Variants in DCDC1 observed in about 807,000 individuals in gnomAD.
DCDC1 encodes doublecortin domain containing 1.
A neutral mutation model predicts 178.3 loss-of-function variants in DCDC1; 200 were observed. That is an observed-to-expected ratio of 1.12 (90% CI 1.00 to 1.26). DCDC1 has a LOEUF of 1.26. Ranked by LOEUF, DCDC1 falls within the 50% of genes most tolerant of loss-of-function variation. The probability of loss-of-function intolerance (pLI) is 0.00; values close to 1 mark genes in which losing one functional copy is unlikely to be tolerated. For synonymous variants in DCDC1, 690 were observed against 604.8 expected, an observed-to-expected ratio of 1.14 and a Z score of -2.07; for missense variants, 1,983 against 1,749.2, an observed-to-expected ratio of 1.13 and a Z score of -2.38.
At chr11:31,167,293 T>A (rs1041933368) in intron 9 of DCDC1, among the ~76,000 whole-genome samples, 1 of 152,214 alleles carries the variant, frequency 6.6e-6, no homozygotes, top group Non-Finnish European at 1.5e-5. Flanking sequence ...AAATGCTGAC[T>A]TGTTAAAACT....
At chr11:31,212,871 A>G (rs1972753910) in intron 9 of DCDC1, among the ~76,000 whole-genome samples, 1 of 152,210 alleles carries the variant, frequency 6.6e-6, no homozygotes. Context: ...GCTCATTGTA[A>G]TAGAAATTGG....
At chr11:31,135,727 A>C (rs556726666) in intron 10 of DCDC1, among the ~76,000 whole-genome samples, 4 of 152,272 alleles carry the variant, frequency 2.6e-5, no homozygotes, top group African/African-American at 9.6e-5. Flanking sequence ...GAGCTGAAAA[A>C]GCAAATATAT....
At chr11:31,061,963 C>T (rs1156325534) in intron 20 of DCDC1, among the ~76,000 whole-genome samples, 1 of 151,978 alleles carries the variant, frequency 6.6e-6, no homozygotes, top group Admixed American at 6.6e-5. Context: ...ATTGCATTGC[C>T]TCAGGGAAGA....
chr11:31,278,815 A>T (rs1199412225), intron 7 of DCDC1, among the ~76,000 whole-genome samples: 1 of 152,278 alleles, frequency 6.6e-6, no homozygotes, highest in East Asian at 1.9e-4. Context: ...TTAAAAAATA[A>T]ATAACAATAA....
intron 36 of DCDC1, 38 bp downstream of exon 36, chr11:30,892,780 C>T (rs2134055563): frequency 1.9e-6 from 3 of 1,609,850 alleles, no homozygotes; most frequent in Non-Finnish European, 2.5e-6. Context: ...GGGATTCAAA[C>T]TCAGGCCTAT....
rs935055426 is a variant in DCDC1 at position 31,014,205 on chromosome 11, TTCTC to T, written c.2591+50260_2591+50263del. 2.8e-3 allele frequency among the ~76,000 whole-genome samples: 412 copies of T among 149,674 alleles called. 1 individual carries two copies. The highest frequency in any genetic ancestry group is 9.8e-3 in the African/African-American group (389 of 39,554). ...GCTCTTGCTCGCTCTCACTCTCTCTTTCTCTCTCTCTCTTTCTCTTTTTCTCCCC... is the reference window on the plus strand; with the variant it reads ...GCTCTTGCTCGCTCTCACTCTCTCTTTCTCTCTCTTTCTCTTTTTCTCCCC... On this transcript the variant is annotated intron_variant, in intron 20 of 38. Transcript: ENST00000684477.
At chr11:31,153,818 A>ACACACACACACACACACACAC (rs61493499) in intron 9 of DCDC1, among the ~76,000 whole-genome samples, 6 of 143,488 alleles carry the variant, frequency 4.2e-5, no homozygotes, top group African/African-American at 8.5e-5. Flanking sequence ...ACACACACAC[A>ACACACACACACACACACACAC]ATTACCATAA....
chr11:30,987,387 T>C (rs1245283937), intron 20 of DCDC1, among the ~76,000 whole-genome samples: 2 of 152,166 alleles, frequency 1.3e-5, no homozygotes, highest in Non-Finnish European at 2.9e-5. Flanking sequence ...TTCTTAATTA[T>C]CTACAATGCC....
At chr11:31,277,231 C>A (rs1946060384) in intron 7 of DCDC1, among the ~76,000 whole-genome samples, 1 of 151,962 alleles carries the variant, frequency 6.6e-6, no homozygotes, top group South Asian at 2.1e-4. Flanking sequence ...ATATTTTGTA[C>A]CTGGTTTCAT....
At chr11:31,328,595 G>C (rs1490937200) in intron 2 of DCDC1, among the ~76,000 whole-genome samples, 1 of 152,032 alleles carries the variant, frequency 6.6e-6, no homozygotes, top group Non-Finnish European at 1.5e-5. Context: ...TCAGGAGATA[G>C]AGACCATCCT....
intron 11 of DCDC1, among the ~76,000 whole-genome samples, chr11:31,121,128 C>G (rs1960732629): frequency 6.6e-6 from 1 of 152,026 alleles, no homozygotes; most frequent in South Asian, 2.1e-4. Context: ...TGAGTGTAAC[C>G]ACTGATGGTA....
In DCDC1 at chr11:31,243,181, A is replaced by G. The variant is rs192801458; in HGVS notation, c.1055-1565T>C. On this transcript the variant is annotated intron_variant, in intron 8 of 38. Transcript: ENST00000684477. ...TAAAAATTAAAAGATAAACGAGCTTATATTCAGAATTATAACTCTTCAACC... is the reference window on the plus strand; with the variant it reads ...TAAAAATTAAAAGATAAACGAGCTTGTATTCAGAATTATAACTCTTCAACC... Among the ~76,000 whole-genome samples the G allele has an allele frequency of 2.1e-3, 317 of 151,954 alleles. 4 individuals carry two copies. The highest frequency in any genetic ancestry group is 7.2e-3 in the African/African-American group (300 of 41,550).
At chr11:31,010,212 T>A (rs1250166993) in intron 20 of DCDC1, among the ~76,000 whole-genome samples, 1 of 152,220 alleles carries the variant, frequency 6.6e-6, no homozygotes, top group Admixed American at 6.5e-5. Flanking sequence ...AAGTGTGAAG[T>A]CCAGGCACAG....
intron 36 of DCDC1, among the ~76,000 whole-genome samples, chr11:30,888,080 GAGAGAAAGAAAGAAAGAA>G (rs1565029379): frequency 1.3e-4 from 13 of 99,794 alleles, no homozygotes; most frequent in African/African-American, 3.4e-4. Flanking sequence ...GAGAGAGAGA[GAGAGAAAGAAAGAAAGAA>G]AAAGAAAGAA....
At chr11:30,942,296 A>G (rs150071274) in intron 21 of DCDC1, among the ~76,000 whole-genome samples, 43 of 152,298 alleles carry the variant, frequency 2.8e-4, no homozygotes, top group African/African-American at 1.0e-3. Flanking sequence ...TATGTTTGGG[A>G]TTTGTCTGTA....
intron 8 of DCDC1, among the ~76,000 whole-genome samples, chr11:31,259,366 T>A (rs1345874058): frequency 6.6e-6 from 1 of 151,778 alleles, no homozygotes; most frequent in African/African-American, 2.4e-5. Context: ...AAAAGAAAAA[T>A]AATAATAATA....
intron 6 of DCDC1, among the ~76,000 whole-genome samples, chr11:31,294,156 G>A (rs547215311): frequency 6.6e-6 from 1 of 152,282 alleles, no homozygotes; most frequent in Admixed American, 6.5e-5. Context: ...AACTGACAGT[G>A]TAAGGTCTCT....
chr11:31,091,871 A>T (rs1406876161), intron 16 of DCDC1, among the ~76,000 whole-genome samples: 1 of 152,222 alleles, frequency 6.6e-6, no homozygotes, highest in Non-Finnish European at 1.5e-5. Context: ...ACAGAAAAAA[A>T]ATAGTGCAGT....
intron 9 of DCDC1, among the ~76,000 whole-genome samples, chr11:31,141,562 CAAT>C (rs1407608985): frequency 6.6e-6 from 1 of 152,066 alleles, no homozygotes; most frequent in African/African-American, 2.4e-5. Context: ...TTCATGAGAT[CAAT>C]AGATCAGTTG....
Sources: gnomAD v4.1 joint callset for allele counts (sites outside exome capture counted in the v4.1 genomes callset) on GRCh38, gnomAD v4.1.1 for gene constraint, MANE v1.5 for transcripts, NCBI Gene and HGNC (gene_info 2026-07-23, HGNC 2026-07-21) for gene names.